The following METTL25 variants were observed in gnomAD, a reference collection of about 807,000 sequenced individuals.
The protein encoded by METTL25 is probable methyltransferase-like protein 25.
A neutral mutation model predicts 71.6 loss-of-function variants in METTL25; 64 were observed. That is an observed-to-expected ratio of 0.89 (90% confidence interval 0.73 to 1.10). The LOEUF (loss-of-function observed/expected upper bound fraction) is 1.10, where lower values mean the gene tolerates loss of function less well. Ranked by LOEUF, METTL25 falls within the 50% of genes least tolerant of loss-of-function variation. METTL25 has a pLI of 0.00. For missense variants in METTL25, 807 were observed against 707.0 expected (o/e 1.14, Z -1.60); for synonymous variants, 287 against 250.3 (o/e 1.15, Z -1.38).
intron 9 of METTL25, among the ~76,000 whole-genome samples, chr12:82,459,085 A>G (rs1486619071): frequency 1.3e-5 from 2 of 152,202 alleles, no homozygotes; most frequent in African/African-American, 4.8e-5. Flanking sequence ...TTATCTCGCT[A>G]TCGAGAAAAT....
At chr12:82,397,042 A>G (rs1435907970) in intron 3 of METTL25, among the ~76,000 whole-genome samples, 1 of 152,046 alleles carries the variant, frequency 6.6e-6, no homozygotes, top group African/African-American at 2.4e-5. Context: ...CCTACTATTC[A>G]GAGTAAGACT....
chr12:82,441,708 G>C (rs1424723931), intron 8 of METTL25, among the ~76,000 whole-genome samples: 1 of 143,194 alleles, frequency 7.0e-6, no homozygotes, highest in Non-Finnish European at 1.5e-5. Context: ...GAAAAAAAAA[G>C]AAATTTCAAA....
At chr12:82,446,760 G>A (rs948147096) in intron 8 of METTL25, among the ~76,000 whole-genome samples, 12 of 151,960 alleles carry the variant, frequency 7.9e-5, no homozygotes, top group Non-Finnish European at 4.4e-5. Context: ...GGGATTACAG[G>A]TGTAAGCTAC....
intron 5 of METTL25, among the ~76,000 whole-genome samples, chr12:82,418,010 G>A: frequency 6.6e-6 from 1 of 152,104 alleles, no homozygotes; most frequent in East Asian, 1.9e-4. Context: ...AAACAGTGTT[G>A]TGACAAAAAG....
chr12:82,381,631 A>G (rs1025812162), intron 1 of METTL25, among the ~76,000 whole-genome samples: 2 of 152,246 alleles, frequency 1.3e-5, no homozygotes, highest in Non-Finnish European at 2.9e-5. Flanking sequence ...GAACAGACTC[A>G]AAACATTCGG....
intron 8 of METTL25, among the ~76,000 whole-genome samples, chr12:82,455,186 C>G (rs1200436674): frequency 5.9e-5 from 9 of 151,288 alleles, no homozygotes; most frequent in African/African-American, 2.2e-4. Context: ...CAAAGCTTAA[C>G]TTTTTTAAGC....
intron 9 of METTL25, among the ~76,000 whole-genome samples, chr12:82,461,710 C>CAAAA (rs55899416): frequency 1.3e-5 from 2 of 151,160 alleles, no homozygotes; most frequent in African/African-American, 2.4e-5. Flanking sequence ...GAAATAAAGG[C>CAAAA]AAAAAAAAAT....
At chr12:82,432,266 T>C (rs1238236477) in intron 6 of METTL25, among the ~76,000 whole-genome samples, 2 of 151,668 alleles carry the variant, frequency 1.3e-5, no homozygotes, top group African/African-American at 2.4e-5. Context: ...GTATTTATGC[T>C]AACATAATAA....
intron 5 of METTL25, among the ~76,000 whole-genome samples, chr12:82,420,810 G>A (rs1480768396): frequency 1.3e-5 from 2 of 151,944 alleles, no homozygotes; most frequent in Non-Finnish European, 1.5e-5. Context: ...TTGTTAAGGA[G>A]AAGAAGGATT....
intron 7 of METTL25, among the ~76,000 whole-genome samples, chr12:82,436,207 A>G (rs937875752): frequency 6.6e-6 from 1 of 151,444 alleles, no homozygotes; most frequent in Non-Finnish European, 1.5e-5. Flanking sequence ...ATATAGAGCA[A>G]AAGTTTAATA....
At position 82,406,185 on chromosome 12, in the gene METTL25, T is replaced by C. The variant is rs551053467; in HGVS notation, c.1279+3055T>C. On this transcript the variant is annotated intron_variant, in intron 5 of 11. Transcript: ENST00000248306. ...GTGGTGGAGATACAAAAATGAGATATCGTGTTCACCCTTAAATAATTTCTT... is the reference window on the plus strand; with the variant it reads ...GTGGTGGAGATACAAAAATGAGATACCGTGTTCACCCTTAAATAATTTCTT... Among the ~76,000 whole-genome samples the C allele has an allele frequency of 7.2e-5, 11 of 152,260 alleles. 1 individual carries two copies. The South Asian group carries it at 1.7e-3, about 23-fold the overall frequency.
intron 7 of METTL25, chr12:82,438,446 G>A (rs1195307173): frequency 3.9e-6 from 1 of 255,850 alleles, no homozygotes; most frequent in Non-Finnish European, 7.3e-6. Flanking sequence ...CTCTATTTGG[G>A]CATTAGCTTA....
At chr12:82,444,728 A>G (rs1469051319) in intron 8 of METTL25, among the ~76,000 whole-genome samples, 3 of 152,104 alleles carry the variant, frequency 2.0e-5, no homozygotes, top group Admixed American at 6.6e-5. Flanking sequence ...ACCAATCAAT[A>G]GCATTGAAAG....
intron 8 of METTL25, among the ~76,000 whole-genome samples, chr12:82,451,740 C>G (rs1891159955): frequency 6.6e-6 from 1 of 152,078 alleles, no homozygotes; most frequent in Non-Finnish European, 1.5e-5. Flanking sequence ...TGCCTATCAA[C>G]TCCAAAGGAA....
intron 1 of METTL25, among the ~76,000 whole-genome samples, chr12:82,365,821 G>GA (rs1882499176): frequency 6.6e-6 from 1 of 151,608 alleles, no homozygotes; most frequent in Non-Finnish European, 1.5e-5. Flanking sequence ...GGTGGCTCAC[G>GA]CCTGCAATCC....
At chr12:82,464,447 C>T (rs1330369354) in intron 9 of METTL25, among the ~76,000 whole-genome samples, 3 of 151,760 alleles carry the variant, frequency 2.0e-5, no homozygotes, top group Non-Finnish European at 4.4e-5. Context: ...TTTCTGGGTT[C>T]TCTGTTCTAT....
chr12:82,442,456 T>C (rs1890421646), intron 8 of METTL25, among the ~76,000 whole-genome samples: 1 of 152,150 alleles, frequency 6.6e-6, no homozygotes. Context: ...AGAATTATAC[T>C]GAATGAACAG....
At chr12:82,394,884 A>T (rs1004305757) in intron 3 of METTL25, among the ~76,000 whole-genome samples, 1 of 151,754 alleles carries the variant, frequency 6.6e-6, no homozygotes, top group Non-Finnish European at 1.5e-5. Flanking sequence ...TAGAGGAAAA[A>T]CTTTTCTTAT....
At chr12:82,412,915 T>C (rs1421594226) in intron 5 of METTL25, among the ~76,000 whole-genome samples, 1 of 152,010 alleles carries the variant, frequency 6.6e-6, no homozygotes, top group Non-Finnish European at 1.5e-5. Context: ...CAGCATTGCA[T>C]GTTTATTACT....
Sources: gnomAD v4.1 joint callset for allele counts (sites outside exome capture counted in the v4.1 genomes callset) on GRCh38, gnomAD v4.1.1 for gene constraint, MANE v1.5 for transcripts, NCBI Gene and HGNC (gene_info 2026-07-23, HGNC 2026-07-21) for gene names.